HLA-E: variants seen among roughly 807,000 people sequenced by gnomAD.
HLA-E encodes major histocompatibility complex, class I, E, also known as HLA class I histocompatibility antigen, alpha chain E.
HLA-E carries 25 observed loss-of-function variants against 43.4 expected under a neutral mutation model. That is an observed-to-expected ratio of 0.58 (90% CI 0.42 to 0.80). HLA-E has a LOEUF of 0.80. Ranked by LOEUF, HLA-E falls within the 30% of genes least tolerant of loss-of-function variation. The probability of loss-of-function intolerance (pLI) is 0.00; values close to 1 mark genes in which losing one functional copy is unlikely to be tolerated. For missense variants in HLA-E, 343 were observed against 470.0 expected, an observed-to-expected ratio of 0.73 and a Z score of 2.50; for synonymous variants, 161 against 197.6, an observed-to-expected ratio of 0.81 and a Z score of 1.55.
rs1347425714 is a variant in HLA-E at position 30,489,816 on chromosome 6, C to G, written c.155C>G (p.Thr52Ser). The change falls in exon 2 of 8, where the codon ACC becomes AGC. Residue 52 changes from threonine to serine, a missense_variant. Transcript: ENST00000376630. The surrounding 1 kb of genome is among the most constrained non-coding windows in gnomAD (Gnocchi z 5.6). Reference protein sequence around the residue: ...RFISVGYVDDTQFVRFDNDAA... With the variant: ...RFISVGYVDDSQFVRFDNDAA... Reference sequence around the variant, plus strand: ...ATCTCTGTGGGCTACGTGGACGACACCCAGTTCGTGCGCTTCGACAACGAC... The same window carrying G: ...ATCTCTGTGGGCTACGTGGACGACAGCCAGTTCGTGCGCTTCGACAACGAC... 6.2e-7 allele frequency: 1 copy of G among 1,612,920 alleles called. No homozygotes were observed. The highest frequency in any genetic ancestry group is 2.2e-5 in the East Asian group (1 of 44,896).
In HLA-E at chr6:30,492,053, G is replaced by C. The variant is rs1395936799; in HGVS notation, c.1004-351G>C. 1.3e-5 allele frequency among the ~76,000 whole-genome samples: 2 copies of C among 151,814 alleles called. 1 individual carries two copies. The highest frequency in any genetic ancestry group is 4.8e-5 in the African/African-American group (2 of 41,284). On this transcript the variant is annotated intron_variant, in intron 5 of 7. Coordinates refer to ENST00000376630, the MANE Select transcript of HLA-E (RefSeq NM_005516.6). This position sits in a 1 kb window ranked among gnomAD's most constrained non-coding sequence, Gnocchi z 4.5. ...CCTGACTTTGTGATCTGCCTGCCTC[G>C]GCCTCCCAAAGTGCTGGGATTACAG...
Position 30,489,747 on chromosome 6 carries a change from T to C in HLA-E, c.86T>C (p.Phe29Ser). The change falls in exon 2 of 8, where the codon TTC becomes TCC. Residue 29 changes from phenylalanine to serine, a missense_variant. Physicochemically the swap from Phe to Ser is radical, Grantham distance 155. Around this residue, in one of 3 missense-constraint regions of HLA-E, gnomAD observed 94 missense variants for 144.4 expected, o/e 0.65. Coordinates refer to ENST00000376630, the MANE Select transcript of HLA-E (RefSeq NM_005516.6). This position sits in a 1 kb window ranked among gnomAD's most constrained non-coding sequence, Gnocchi z 5.6. ...CCAGGCTCCCACTCCTTGAAGTATTTCCACACTTCCGTGTCCCGGCCCGGC... is the reference window on the plus strand; with the variant it reads ...CCAGGCTCCCACTCCTTGAAGTATTCCCACACTTCCGTGTCCCGGCCCGGC... ...TWAGSHSLKY[F>S]HTSVSRPGRG... The C allele has an allele frequency of 6.2e-7, 1 of 1,612,596 alleles. No homozygotes were observed.
chr6:30,491,103 C>A lies in HLA-E; in HGVS notation c.611-34C>A. On this transcript the variant is annotated intron_variant, in intron 3 of 7. Transcript: ENST00000376630. The surrounding 1 kb of genome is among the most constrained non-coding windows in gnomAD (Gnocchi z 5.4). Reference sequence around the variant, plus strand: ...CTGCTGGAGTGTCCCATGAGAGATACAAAGTGCCTGAATTTTCTGACTCTT... The same window carrying A: ...CTGCTGGAGTGTCCCATGAGAGATAAAAAGTGCCTGAATTTTCTGACTCTT... The A allele has an allele frequency of 6.2e-7, 1 of 1,609,980 alleles. No individual in the cohort carries two copies. The highest frequency in any genetic ancestry group is 2.2e-5 in the East Asian group (1 of 44,844).
In HLA-E at chr6:30,490,321, A is replaced by T; in HGVS notation, c.416A>T (p.Tyr139Phe). 1 of 1,613,108 alleles carries T rather than the reference A, an allele frequency of 6.2e-7. No homozygotes were observed. Among genetic ancestry groups the T allele is most frequent in the Non-Finnish European group, 8.5e-7 (1 of 1,180,032 alleles). The change falls in exon 3 of 8, where the codon TAC becomes TTC. Residue 139 changes from tyrosine to phenylalanine, a missense_variant. Transcript: ENST00000376630. This position sits in a 1 kb window ranked among gnomAD's most constrained non-coding sequence, Gnocchi z 6.6. ...RFLRGYEQFA[Y>F]DGKDYLTLNE... ...CTCCGCGGGTATGAACAGTTCGCCT[A>T]CGACGGCAAGGATTATCTCACCCTG...
At position 30,490,153 on chromosome 6, in the gene HLA-E, C is replaced by G. The variant is rs944445724; in HGVS notation, c.335-87C>G. ...GAGTCTCAGGCGCCTTTACCCGGTT[C>G]TTTTTCAGTTTAGGCCAAAATGCCC... On this transcript the variant is annotated intron_variant, in intron 2 of 7. Coordinates refer to ENST00000376630, the MANE Select transcript of HLA-E (RefSeq NM_005516.6). The surrounding 1 kb of genome is among the most constrained non-coding windows in gnomAD (Gnocchi z 6.6). 3 of 1,450,946 alleles carry G rather than the reference C, an allele frequency of 2.1e-6. No homozygotes were observed. The highest frequency in any genetic ancestry group is 1.5e-5 in the African/African-American group (1 of 68,200). The allele number at this position is 1,450,946 out of a possible 1,614,324, so 89.9% of individuals were successfully genotyped here.
chr6:30,490,293 T>A lies in HLA-E; in HGVS notation c.388T>A (p.Phe130Ile). The A allele has an allele frequency of 6.2e-7, 1 of 1,612,990 alleles. No individual in the cohort carries two copies. The highest frequency in any genetic ancestry group is 2.2e-5 in the East Asian group (1 of 44,884). ...HGCELGPDGR[F>I]LRGYEQFAYD... ...CTGCGAGCTGGGGCCCGACGGGCGC[T>A]TCCTCCGCGGGTATGAACAGTTCGC... The change falls in exon 3 of 8, where the codon TTC becomes ATC. Residue 130 changes from phenylalanine to isoleucine, a missense_variant. Phe to Ile is a conservative substitution (Grantham distance 21). Around this residue, in one of 3 missense-constraint regions of HLA-E, gnomAD observed 59 missense variants for 42.0 expected, o/e 1.40. Transcript: ENST00000376630. The surrounding 1 kb of genome is among the most constrained non-coding windows in gnomAD (Gnocchi z 6.6).
At position 30,492,638 on chromosome 6, in the gene HLA-E, G is replaced by A; in HGVS notation, c.*2+55G>A. The stretch of plus-strand genomic sequence containing the variant: ...AGGGTGGGGCAGAGGGGACAGGACT[G>A]GGTTGTGGGGATTTTTTGATTCAGA... On this transcript the variant is annotated intron_variant, in intron 7 of 7. Transcript: ENST00000376630. The surrounding 1 kb of genome is among the most constrained non-coding windows in gnomAD (Gnocchi z 4.5). 1 of 1,547,394 alleles carries A rather than the reference G, an allele frequency of 6.5e-7. No individual in the cohort carries two copies. The highest frequency in any genetic ancestry group is 2.0e-5 in the Admixed American group (1 of 50,456).
At position 30,490,316 on chromosome 6, in the gene HLA-E, C is replaced by T; in HGVS notation, c.411C>T (p.Phe137=). 1 of 1,613,048 alleles carries T rather than the reference C, an allele frequency of 6.2e-7. No homozygotes were observed. Among genetic ancestry groups the T allele is most frequent in the Admixed American group, 1.7e-5 (1 of 60,020 alleles). Residue 137 remains phenylalanine (F), a synonymous_variant, in exon 3 of 8, where the codon TTC becomes TTT. Transcript: ENST00000376630. This position sits in a 1 kb window ranked among gnomAD's most constrained non-coding sequence, Gnocchi z 6.6. ...DGRFLRGYEQ[F]AYDGKDYLTL... Reference sequence around the variant, plus strand: ...GCTTCCTCCGCGGGTATGAACAGTTCGCCTACGACGGCAAGGATTATCTCA... The same window carrying T: ...GCTTCCTCCGCGGGTATGAACAGTTTGCCTACGACGGCAAGGATTATCTCA...
At position 30,494,164 on chromosome 6, in the gene HLA-E, G is replaced by A. The variant is rs1330008334; in HGVS notation, c.*1418G>A. 1 of 152,224 alleles carries A rather than the reference G, an allele frequency of 6.6e-6. No homozygotes were observed. Among genetic ancestry groups the A allele is most frequent in the Non-Finnish European group, 1.5e-5 (1 of 68,038 alleles). The allele number at this position is 152,224 out of a possible 1,614,324, so 9.4% of individuals were successfully genotyped here. A position where few individuals can be genotyped will look rare whatever the true frequency, so the allele number is the denominator to read the frequency against. On this transcript the variant is annotated 3_prime_UTR_variant, in exon 8 of 8. Transcript: ENST00000376630. The surrounding 1 kb of genome is among the most constrained non-coding windows in gnomAD (Gnocchi z 4.9). Reference sequence around the variant, plus strand: ...CCCAGGCTGATCTGAGGTAAACTTTGAAGTAAAATAAAAGCTGTGTTTGAG... The same window carrying A: ...CCCAGGCTGATCTGAGGTAAACTTTAAAGTAAAATAAAAGCTGTGTTTGAG...
chr6:30,489,544 A>G lies in HLA-E; in HGVS notation c.13A>G (p.Thr5Ala). 2 of 1,523,924 alleles carry G rather than the reference A, an allele frequency of 1.3e-6. No homozygotes were observed. The highest frequency in any genetic ancestry group is 8.8e-7 in the Non-Finnish European group (1 of 1,137,984). 94.4% of individuals were successfully genotyped at this position (1,523,924 alleles called of 1,614,324 possible). Residue 5 changes from threonine to alanine, a missense_variant, in exon 1 of 8, where the codon ACC becomes GCC. Around this residue, in one of 3 missense-constraint regions of HLA-E, gnomAD observed 94 missense variants for 144.4 expected, o/e 0.65. Coordinates refer to ENST00000376630, the MANE Select transcript of HLA-E (RefSeq NM_005516.6). The surrounding 1 kb of genome is among the most constrained non-coding windows in gnomAD (Gnocchi z 5.6). MVDG[T>A]LLLLLSEALA... ...AGAGGCTGGGATCATGGTAGATGGA[A>G]CCCTCCTTTTACTCCTCTCGGAGGC...
rs140790883 is a variant in HLA-E at position 30,490,246 on chromosome 6, A to G, written c.341A>G (p.His114Arg). Residue 114 changes from histidine to arginine, a missense_variant, in exon 3 of 8, where the codon CAC (histidine) becomes CGC (arginine). Coordinates refer to ENST00000376630, the MANE Select transcript of HLA-E (RefSeq NM_005516.6). The surrounding 1 kb of genome is among the most constrained non-coding windows in gnomAD (Gnocchi z 6.6). The stretch of plus-strand genomic sequence containing the variant: ...GACTAAGGGGCGGGGCCAGGGTCTC[A>G]CACCCTGCAGTGGATGCATGGCTGC... ...GYYNQSEAGS[H>R]TLQWMHGCEL... 50 of 1,612,416 alleles carry G rather than the reference A, an allele frequency of 3.1e-5. No homozygotes were observed. In the African/African-American group the frequency reaches 6.4e-4, roughly 21 times the overall value.
At position 30,492,623 on chromosome 6, in the gene HLA-E, A is replaced by T; in HGVS notation, c.*2+40A>T. 1 of 1,598,122 alleles carries T rather than the reference A, an allele frequency of 6.3e-7. No homozygotes were observed. Among genetic ancestry groups the T allele is most frequent in the Non-Finnish European group, 8.6e-7 (1 of 1,166,996 alleles). On this transcript the variant is annotated intron_variant, in intron 7 of 7. Coordinates refer to ENST00000376630, the MANE Select transcript of HLA-E (RefSeq NM_005516.6). This position sits in a 1 kb window ranked among gnomAD's most constrained non-coding sequence, Gnocchi z 4.5. ...GTCTGAAGTGGGTGGAGGGTGGGGC[A>T]GAGGGGACAGGACTGGGTTGTGGGG...
At position 30,490,148 on chromosome 6, in the gene HLA-E, C is replaced by G. The variant is rs1303607660; in HGVS notation, c.335-92C>G. On this transcript the variant is annotated intron_variant, in intron 2 of 7. Coordinates refer to ENST00000376630, the MANE Select transcript of HLA-E (RefSeq NM_005516.6). This position sits in a 1 kb window ranked among gnomAD's most constrained non-coding sequence, Gnocchi z 6.6. ...GGGGAGAGTCTCAGGCGCCTTTACCCGGTTCTTTTTCAGTTTAGGCCAAAA... is the reference window on the plus strand; with the variant it reads ...GGGGAGAGTCTCAGGCGCCTTTACCGGGTTCTTTTTCAGTTTAGGCCAAAA... The G allele has an allele frequency of 1.4e-6, 2 of 1,439,108 alleles. No individual in the cohort carries two copies. The highest frequency in any genetic ancestry group is 1.5e-5 in the African/African-American group (1 of 68,464). 89.1% of individuals were successfully genotyped at this position (1,439,108 alleles called of 1,614,324 possible).
chr6:30,492,824 G>T lies in HLA-E; in HGVS notation c.*78G>T. On this transcript the variant is annotated 3_prime_UTR_variant, in exon 8 of 8. Transcript: ENST00000376630. The surrounding 1 kb of genome is among the most constrained non-coding windows in gnomAD (Gnocchi z 4.5). Reference sequence around the variant, plus strand: ...CGACTGAGATGCAGGATTTCCTCACGCCTCCCCTATGTGTCTTAGGGGACT... The same window carrying T: ...CGACTGAGATGCAGGATTTCCTCACTCCTCCCCTATGTGTCTTAGGGGACT... 1 of 654,528 alleles carries T rather than the reference G, an allele frequency of 1.5e-6. No homozygotes were observed. The highest frequency in any genetic ancestry group is 1.9e-5 in the South Asian group (1 of 52,220). 40.5% of individuals were successfully genotyped at this position (654,528 alleles called of 1,614,324 possible).
Position 30,489,977 on chromosome 6 carries a change from T to A in HLA-E, c.316T>A (p.Tyr106Asn). ...RVNLRTLRGY[Y>N]NQSEAGSHTL... ...GAATCTGCGGACGCTGCGCGGCTACTACAATCAGAGCGAGGCCGGTGAGTG... is the reference window on the plus strand; with the variant it reads ...GAATCTGCGGACGCTGCGCGGCTACAACAATCAGAGCGAGGCCGGTGAGTG... Residue 106 changes from tyrosine to asparagine, a missense_variant, in exon 2 of 8, where the codon TAC becomes AAC. Physicochemically the swap from Tyr to Asn is moderately radical, Grantham distance 143. Around this residue, in one of 3 missense-constraint regions of HLA-E, gnomAD observed 59 missense variants for 42.0 expected, o/e 1.40. Transcript: ENST00000376630. The surrounding 1 kb of genome is among the most constrained non-coding windows in gnomAD (Gnocchi z 5.6). The A allele has an allele frequency of 6.2e-7, 1 of 1,609,650 alleles. No homozygotes were observed. The highest frequency in any genetic ancestry group is 8.5e-7 in the Non-Finnish European group (1 of 1,177,876).
chr6:30,489,697 G>C lies in HLA-E; in HGVS notation c.65-29G>C. ...GGGAGCCGCGCCGGGAGGAGGGTCGGGCCGATCTCAGCCCCTCCTCGCCCC... is the reference window on the plus strand; with the variant it reads ...GGGAGCCGCGCCGGGAGGAGGGTCGCGCCGATCTCAGCCCCTCCTCGCCCC... On this transcript the variant is annotated intron_variant, in intron 1 of 7. Coordinates refer to ENST00000376630, the MANE Select transcript of HLA-E (RefSeq NM_005516.6). The surrounding 1 kb of genome is among the most constrained non-coding windows in gnomAD (Gnocchi z 5.6). 1.2e-6 allele frequency: 2 copies of C among 1,611,858 alleles called. No individual in the cohort carries two copies. The highest frequency in any genetic ancestry group is 1.7e-6 in the Non-Finnish European group (2 of 1,179,562).
chr6:30,492,905 T>G lies in HLA-E; in HGVS notation c.*159T>G. On this transcript the variant is annotated 3_prime_UTR_variant, in exon 8 of 8. Transcript: ENST00000376630. This position sits in a 1 kb window ranked among gnomAD's most constrained non-coding sequence, Gnocchi z 4.5. ...TCTGTCTGTGTCCCTGTTAGCACAA[T>G]GTGAGGAGGTAGAGAAACAGTCCAC... The G allele has an allele frequency of 2.1e-6, 1 of 480,854 alleles. No homozygotes were observed. The highest frequency in any genetic ancestry group is 3.8e-5 in the East Asian group (1 of 26,070). 29.8% of individuals were successfully genotyped at this position (480,854 alleles called of 1,614,324 possible). A position where few individuals can be genotyped will look rare whatever the true frequency, so the allele number is the denominator to read the frequency against.
chr6:30,491,546 C>G lies in HLA-E; in HGVS notation c.896C>G (p.Ser299Cys). 6.2e-7 allele frequency: 1 copy of G among 1,613,344 alleles called. No homozygotes were observed. The highest frequency in any genetic ancestry group is 8.5e-7 in the Non-Finnish European group (1 of 1,179,864). ...TCCCCTCTTTTCCCAGAGCCGGCTTCCCAGCCCACCATCCCCATCGTGGGC... is the reference window on the plus strand; with the variant it reads ...TCCCCTCTTTTCCCAGAGCCGGCTTGCCAGCCCACCATCCCCATCGTGGGC... ...EPVTLRWKPA[S>C]QPTIPIVGII... The change falls in exon 5 of 8, where the codon TCC (serine) becomes TGC (cysteine). Residue 299 changes from serine to cysteine, a missense_variant. Ser to Cys is a moderately radical substitution (Grantham distance 112, BLOSUM62 -1). This residue lies in a region of HLA-E where 190 missense variants were observed against 283.6 expected (regional missense o/e 0.67). Coordinates refer to ENST00000376630, the MANE Select transcript of HLA-E (RefSeq NM_005516.6). The surrounding 1 kb of genome is among the most constrained non-coding windows in gnomAD (Gnocchi z 5.4).
chr6:30,491,767 C>A lies in HLA-E; in HGVS notation c.1003+114C>A. ...GGGAAGCACCATCCACACACACGAG[C>A]CTACCCAGCCTGGGGCCCTGTGTGC... On this transcript the variant is annotated intron_variant, in intron 5 of 7. Coordinates refer to ENST00000376630, the MANE Select transcript of HLA-E (RefSeq NM_005516.6). The surrounding 1 kb of genome is among the most constrained non-coding windows in gnomAD (Gnocchi z 5.4). 2.4e-6 allele frequency: 2 copies of A among 842,676 alleles called. No individual in the cohort carries two copies. The highest frequency in any genetic ancestry group is 3.8e-6 in the Non-Finnish European group (2 of 531,176). The allele number at this position is 842,676 out of a possible 1,614,324, so 52.2% of individuals were successfully genotyped here. A position where few individuals can be genotyped will look rare whatever the true frequency, so the allele number is the denominator to read the frequency against.
Sources: allele counts gnomAD v4.1 joint callset (sites outside exome capture counted in the v4.1 genomes callset), GRCh38; gene constraint gnomAD v4.1.1; regional missense constraint gnomAD v4.1.1; non-coding constraint Gnocchi (gnomAD v3.1); transcripts MANE v1.5; gene names NCBI Gene and HGNC (gene_info 2026-07-23, HGNC 2026-07-21).